Variants in MTFR1 observed in about 807,000 individuals in gnomAD.
MTFR1 encodes mitochondrial fission regulator 1.
A neutral mutation model predicts 38.8 loss-of-function variants in MTFR1; 28 were observed. That is an observed-to-expected ratio of 0.72 (90% CI 0.53 to 0.99). MTFR1 has a LOEUF of 0.99. MTFR1 is among the 50% of genes least tolerant of loss of function. The probability of loss-of-function intolerance (pLI) is 0.00; values close to 1 mark genes in which losing one functional copy is unlikely to be tolerated. For synonymous variants in MTFR1, 145 were observed against 137.0 expected, an observed-to-expected ratio of 1.06 and a Z score of -0.41; for missense variants, 358 against 395.5, an observed-to-expected ratio of 0.91 and a Z score of 0.81.
At chr8:65,674,296 AT>A (rs1804649959) in intron 2 of MTFR1, among the ~76,000 whole-genome samples, 1 of 146,808 alleles carries the variant, frequency 6.8e-6, no homozygotes. Flanking sequence ...TTCATCCTTT[AT>A]TTTATCTTTT....
chr8:65,728,608 T>C (rs1275323809), intron 3 of MTFR1: 2 of 152,204 alleles, frequency 1.3e-5, no homozygotes, highest in Non-Finnish European at 2.9e-5. Context: ...AAGCGCTGCT[T>C]ACTAATCAAG....
intron 3 of MTFR1, among the ~76,000 whole-genome samples, chr8:65,729,938 C>T (rs1009668654): frequency 4.6e-5 from 7 of 152,024 alleles, no homozygotes; most frequent in African/African-American, 1.7e-4. Flanking sequence ...ACCTCCCACA[C>T]ACAGAAGGCA....
chr8:65,685,026 T>C (rs752604095), intron 3 of MTFR1, among the ~76,000 whole-genome samples: 1 of 152,186 alleles, frequency 6.6e-6, no homozygotes, highest in Non-Finnish European at 1.5e-5. Flanking sequence ...AAGCATTTTG[T>C]CTGCTACTTA....
chr8:65,645,692 TCC>T (rs1554544273), intron 1 of MTFR1, among the ~76,000 whole-genome samples: 15,335 of 83,130 alleles, frequency 0.18, 1,420 homozygotes, highest in Middle Eastern at 0.24. Flanking sequence ...CGCCCGGCTT[TCC>T]CCCCCCCCCC....
chr8:65,687,409 G>T (rs368394372), intron 3 of MTFR1, among the ~76,000 whole-genome samples: 1 of 148,306 alleles, frequency 6.7e-6, no homozygotes, highest in African/African-American at 2.5e-5. Context: ...GCAGTGGCAC[G>T]ATCTTGGCTC....
intron 3 of MTFR1, among the ~76,000 whole-genome samples, chr8:65,758,112 A>C (rs1414204219): frequency 3.3e-5 from 5 of 152,180 alleles, no homozygotes; most frequent in African/African-American, 1.2e-4. Context: ...TAGTCTAGCA[A>C]GTGCCTTTTC....
At chr8:65,669,820 C>T (rs1398555264) in intron 1 of MTFR1, 53 bp from the exon 2 acceptor site, 1 of 787,012 alleles carries the variant, frequency 1.3e-6, no homozygotes, top group Non-Finnish European at 2.1e-6. Flanking sequence ...GTAGACAGTA[C>T]AAATTCTAAA....
intron 1 of MTFR1, among the ~76,000 whole-genome samples, chr8:65,665,425 A>G (rs1284582797): frequency 1.3e-5 from 2 of 152,198 alleles, no homozygotes; most frequent in African/African-American, 4.8e-5. Context: ...GATTAAAGAT[A>G]TAGTCACAGA....
intron 3 of MTFR1, among the ~76,000 whole-genome samples, chr8:65,770,121 CTGTGTGTGTG>C (rs10608556): frequency 0.2 from 29,216 of 146,474 alleles, 2,870 homozygotes; most frequent in Middle Eastern, 0.23. Flanking sequence ...CAGTATACTT[CTGTGTGTGTG>C]TGTGTGTGTG....
chr8:65,738,413 G>A (rs1448111703), intron 3 of MTFR1, among the ~76,000 whole-genome samples: 1 of 152,134 alleles, frequency 6.6e-6, no homozygotes, highest in Non-Finnish European at 1.5e-5. Flanking sequence ...GACTTTCTCA[G>A]AAGTTCTCCT....
chr8:65,679,986 A>G (rs1804827526), intron 2 of MTFR1, among the ~76,000 whole-genome samples: 1 of 152,092 alleles, frequency 6.6e-6, no homozygotes, highest in East Asian at 1.9e-4. Context: ...CCGAAGCAAG[A>G]GCTATCATTT....
At chr8:65,691,164 C>A (rs1426003857) in intron 3 of MTFR1, among the ~76,000 whole-genome samples, 1 of 152,180 alleles carries the variant, frequency 6.6e-6, no homozygotes, top group Non-Finnish European at 1.5e-5. Flanking sequence ...TACTGAAGTT[C>A]ATGCTTTTTT....
chr8:65,681,074 G>A (rs1319172823), intron 2 of MTFR1, among the ~76,000 whole-genome samples: 2 of 151,658 alleles, frequency 1.3e-5, no homozygotes, highest in East Asian at 3.9e-4. Context: ...CACCGTGCCC[G>A]GCTAATTTTT....
intron 4 of MTFR1, among the ~76,000 whole-genome samples, chr8:65,697,999 G>A (rs1315437575): frequency 3.9e-5 from 6 of 151,934 alleles, no homozygotes; most frequent in East Asian, 1.9e-4. Context: ...AAAGTTTTTC[G>A]TTTTGATGAA....
chr8:65,663,546 AAG>A (rs1296495697), intron 1 of MTFR1, among the ~76,000 whole-genome samples: 2 of 151,472 alleles, frequency 1.3e-5, no homozygotes, highest in African/African-American at 4.8e-5. Context: ...AAAAAAAAAA[AAG>A]AGCAAAAGAC....
downstream of MTFR1, among the ~76,000 whole-genome samples, chr8:65,774,247 C>T (rs1365679836): frequency 6.6e-6 from 1 of 152,136 alleles, no homozygotes; most frequent in African/African-American, 2.4e-5. Flanking sequence ...ATTACTCTTT[C>T]GTGCTGTTGG....
chr8:65,708,228 A>C lies in MTFR1; in HGVS notation c.933+217A>C, dbSNP rs1046577489. On this transcript the variant is annotated intron_variant, in intron 7 of 7. Coordinates refer to ENST00000262146, the MANE Select transcript of MTFR1 (RefSeq NM_014637.4). ...CTTTTACTTTTCTAACTATGAAAAT[A>C]ATAGTTGTTCATTTGGAAATTTGAA... 4.1e-6 allele frequency: 4 copies of C among 971,820 alleles called. No homozygotes were observed. The African/African-American group carries it at 6.6e-5, about 16-fold the overall frequency. 60.2% of individuals were successfully genotyped at this position (971,820 alleles called of 1,614,324 possible).
At position 65,710,003 on chromosome 8, in the gene MTFR1, C is replaced by A. The variant is rs1805898582; in HGVS notation, c.*959C>A. On this transcript the variant is annotated 3_prime_UTR_variant, in exon 8 of 8. Coordinates refer to ENST00000262146, the MANE Select transcript of MTFR1 (RefSeq NM_014637.4). ...TGCTGTTTTGTTTAATAATATTACG[C>A]AACATAAACCATAGGTGTTATTAGA... 1 of 152,230 alleles carries A rather than the reference C, an allele frequency of 6.6e-6. No homozygotes were observed. Among genetic ancestry groups the A allele is most frequent in the Non-Finnish European group, 1.5e-5 (1 of 68,016 alleles). 9.4% of individuals were successfully genotyped at this position (152,230 alleles called of 1,614,324 possible).
At chr8:65,675,927 G>A (rs2129052358) in intron 2 of MTFR1, among the ~76,000 whole-genome samples, 1 of 152,310 alleles carries the variant, frequency 6.6e-6, no homozygotes. Flanking sequence ...TGAGAATAGT[G>A]TGAAGCTAAT....
Sources: allele counts gnomAD v4.1 joint callset (sites outside exome capture counted in the v4.1 genomes callset), GRCh38; gene constraint gnomAD v4.1.1; transcripts MANE v1.5; gene names NCBI Gene and HGNC (gene_info 2026-07-23, HGNC 2026-07-21).